The following CIB4 variants were observed in gnomAD, a reference collection of about 807,000 sequenced individuals.
CIB4 encodes the protein calcium and integrin binding family member 4, also known as calcium and integrin-binding family member 4.
CIB4 carries 25 observed loss-of-function variants against 25.8 expected under a neutral mutation model. The observed-to-expected ratio is 0.97, with a 90% CI of 0.71 to 1.35. The LOEUF (loss-of-function observed/expected upper bound fraction) is 1.35, where lower values mean the gene tolerates loss of function less well. CIB4 is among the 40% of genes most tolerant of loss of function. The pLI, the probability that CIB4 is intolerant of heterozygous loss-of-function variation, is 0.00. For synonymous variants in CIB4, 75 were observed against 81.4 expected, an observed-to-expected ratio of 0.92 and a Z score of 0.42; for missense variants, 235 against 228.2, an observed-to-expected ratio of 1.03 and a Z score of -0.19.
chr2:26,590,004 C>T (rs897626199), intron 4 of CIB4, among the ~76,000 whole-genome samples: 2 of 152,092 alleles, frequency 1.3e-5, no homozygotes, highest in East Asian at 3.9e-4. Context: ...GAGCCTGGGC[C>T]CTCAGTAACC....
chr2:26,611,894 G>A (rs1436753315), intron 3 of CIB4, among the ~76,000 whole-genome samples: 2 of 152,050 alleles, frequency 1.3e-5, no homozygotes, highest in African/African-American at 4.8e-5. Context: ...GTATGTCTAC[G>A]ATATTATAAA....
intron 3 of CIB4, among the ~76,000 whole-genome samples, chr2:26,598,988 CCA>C (rs1300112979): frequency 6.6e-6 from 1 of 152,178 alleles, no homozygotes; most frequent in East Asian, 1.9e-4. Context: ...GATCACAGGT[CCA>C]GTTTACTGGA....
intron 3 of CIB4, chr2:26,623,739 G>A (rs187053481): frequency 3.1e-6 from 1 of 323,346 alleles, no homozygotes; most frequent in South Asian, 2.7e-5. Flanking sequence ...AAGAGGCCAG[G>A]GGGGTGAGGT....
In CIB4 at chr2:26,584,206, C is replaced by T. The variant is rs1416544116; in HGVS notation, c.329-308G>A. Among the ~76,000 whole-genome samples the T allele has an allele frequency of 2.6e-5, 4 of 152,200 alleles. No individual in the cohort carries two copies. In the East Asian group the frequency reaches 7.7e-4, roughly 29 times the overall value. The stretch of plus-strand genomic sequence containing the variant: ...GTCTTTTACCAAAAAGAAACTGAGG[C>T]ACAGAGGGTTATATGGTTGTCTGCA... On this transcript the variant is annotated intron_variant, in intron 4 of 6. Coordinates refer to ENST00000288861, the MANE Select transcript of CIB4 (RefSeq NM_001029881.3).
intron 3 of CIB4, among the ~76,000 whole-genome samples, chr2:26,601,231 A>AAAAAAAAAAAAAAT (rs1395827334): frequency 1.2e-4 from 2 of 17,232 alleles, no homozygotes; most frequent in African/African-American, 3.0e-4. Context: ...AAAAAAAAAA[A>AAAAAAAAAAAAAAT]ATATATATAT....
chr2:26,625,274 TGGA>T (rs1303574215), intron 3 of CIB4, among the ~76,000 whole-genome samples: 1 of 151,628 alleles, frequency 6.6e-6, no homozygotes, highest in East Asian at 1.9e-4. Context: ...ACTTGTATTG[TGGA>T]GAAACCTGCA....
intron 2 of CIB4, among the ~76,000 whole-genome samples, chr2:26,635,218 C>T (rs1030874696): frequency 5.3e-5 from 8 of 152,214 alleles, no homozygotes; most frequent in African/African-American, 1.7e-4. Flanking sequence ...TTAGAGTGAA[C>T]AGACCTCTTC....
chr2:26,581,517 G>T, intron 6 of CIB4, 124 bp from the exon 7 acceptor site: 1 of 936,414 alleles, frequency 1.1e-6, no homozygotes, highest in Non-Finnish European at 1.7e-6. Context: ...TTCTCTGGGT[G>T]ACGGCCACTT....
Position 26,627,774 on chromosome 2 carries a change from C to T in CIB4, c.186+1636G>A, listed in dbSNP as rs1669336548. 1.3e-5 allele frequency among the ~76,000 whole-genome samples: 2 copies of T among 151,940 alleles called. No individual in the cohort carries two copies. Among genetic ancestry groups the T allele is most frequent in the Non-Finnish European group, 2.9e-5 (2 of 67,980 alleles). ...TACCCCCACCCACCTACCCACCCCT[C>T]ACCCTTTCTCATTATTTTGTCTTCT... On this transcript the variant is annotated intron_variant, in intron 3 of 6. Transcript: ENST00000288861. The surrounding 1 kb of genome is among the most constrained non-coding windows in gnomAD (Gnocchi z 4.0).
chr2:26,605,796 G>A (rs1340471837), intron 3 of CIB4, among the ~76,000 whole-genome samples: 2 of 152,160 alleles, frequency 1.3e-5, no homozygotes, highest in Admixed American at 6.5e-5. Context: ...ACAAAGAGAG[G>A]AAACAGCTCA....
chr2:26,620,920 A>AG lies in CIB4; in HGVS notation c.186+8489dup, dbSNP rs1381341720. 2.6e-5 allele frequency among the ~76,000 whole-genome samples: 4 copies of AG among 152,338 alleles called. No individual in the cohort carries two copies. The East Asian group carries it at 7.7e-4, about 29-fold the overall frequency. ...GATGGCAGAAGTGAAAAACCCTATT[A>AG]GAGTTGAAGATAAAGTGGAGGAAAT... On this transcript the variant is annotated intron_variant, in intron 3 of 6. Coordinates refer to ENST00000288861, the MANE Select transcript of CIB4 (RefSeq NM_001029881.3).
At chr2:26,601,230 AAATATATATATAT>A (rs757729355) in intron 3 of CIB4, among the ~76,000 whole-genome samples, 14,390 of 47,386 alleles carry the variant, frequency 0.3, 1,739 homozygotes, top group East Asian at 0.5. Flanking sequence ...AAAAAAAAAA[AAATATATATATAT>A]ATATATATAT....
At chr2:26,616,087 CCTGTGGGCCTCTGCGGCCCAG>C (rs898363931) in intron 3 of CIB4, among the ~76,000 whole-genome samples, 3 of 152,172 alleles carry the variant, frequency 2.0e-5, no homozygotes, top group Admixed American at 1.3e-4. Flanking sequence ...CTGCTTAACC[CCTGTGGGCCTCTGCGGCCCAG>C]CTGTAAATGA....
At chr2:26,633,717 A>G (rs1018792763) in intron 2 of CIB4, among the ~76,000 whole-genome samples, 2 of 152,216 alleles carry the variant, frequency 1.3e-5, no homozygotes, top group African/African-American at 4.8e-5. Context: ...GCCATTTGAA[A>G]AACTCACACA....
intron 4 of CIB4, among the ~76,000 whole-genome samples, chr2:26,589,129 TTCTTCTTCTTCTCCTTCC>T (rs1558555211): frequency 1.3e-4 from 18 of 135,962 alleles, no homozygotes; most frequent in African/African-American, 1.8e-4. Context: ...CTTCTTCTTC[TTCTTCTTCTTCTCCTTCC>T]CCTTCCCCTT....
chr2:26,640,702 G>T, intron 1 of CIB4, 135 bp from the exon 2 acceptor site: 1 of 880,098 alleles, frequency 1.1e-6, no homozygotes. Context: ...CCCAGGTTGA[G>T]GTGGATGCCT....
At chr2:26,607,664 A>T (rs1668916615) in intron 3 of CIB4, among the ~76,000 whole-genome samples, 1 of 152,152 alleles carries the variant, frequency 6.6e-6, no homozygotes, top group Non-Finnish European at 1.5e-5. Context: ...GACCCGGATA[A>T]ACATTTGCTA....
intron 5 of CIB4, among the ~76,000 whole-genome samples, chr2:26,583,293 G>C (rs1668387562): frequency 6.6e-6 from 1 of 152,184 alleles, no homozygotes; most frequent in African/African-American, 2.4e-5. Context: ...GACTGGAAAT[G>C]CTGGACACTT....
intron 4 of CIB4, among the ~76,000 whole-genome samples, chr2:26,588,510 C>T (rs974741285): frequency 4.6e-5 from 7 of 152,210 alleles, no homozygotes; most frequent in Admixed American, 1.3e-4. Context: ...GGAGTCAGGG[C>T]TCAGCCTTCA....
Sources: allele counts gnomAD v4.1 joint callset (sites outside exome capture counted in the v4.1 genomes callset), GRCh38; gene constraint gnomAD v4.1.1; non-coding constraint Gnocchi (gnomAD v3.1); transcripts MANE v1.5; gene names NCBI Gene and HGNC (gene_info 2026-07-23, HGNC 2026-07-21).